Variants in FHIT observed in about 807,000 individuals in gnomAD.
FHIT encodes the protein fragile histidine triad diadenosine triphosphatase, also known as bis(5'-adenosyl)-triphosphatase.
Under a neutral mutation model 17.9 loss-of-function variants are expected in FHIT, and 19 were observed. That is an observed-to-expected ratio of 1.06 (90% CI 0.74 to 1.56). FHIT has a LOEUF of 1.56. Ranked by LOEUF, FHIT falls within the 40% of genes most tolerant of loss-of-function variation. FHIT has a pLI of 0.00. For missense variants in FHIT, 248 were observed against 189.2 expected (o/e 1.31, Z -1.82); for synonymous variants, 81 against 69.7 (o/e 1.16, Z -0.81).
chr3:59,999,421 C>T (rs1206737714), intron 7 of FHIT, among the ~76,000 whole-genome samples: 1 of 152,262 alleles, frequency 6.6e-6, no homozygotes, highest in African/African-American at 2.4e-5. Context: ...GATTCACAGA[C>T]TTTCATTCAA....
At chr3:60,129,675 T>C (rs1274264447) in intron 5 of FHIT, among the ~76,000 whole-genome samples, 2 of 152,194 alleles carry the variant, frequency 1.3e-5, no homozygotes, top group Admixed American at 6.5e-5. Flanking sequence ...GCTTCATTCA[T>C]CCTGCTTTGC....
At chr3:60,779,318 C>T (rs938009076) in intron 4 of FHIT, among the ~76,000 whole-genome samples, 2 of 152,164 alleles carry the variant, frequency 1.3e-5, no homozygotes, top group East Asian at 3.9e-4. Flanking sequence ...TAGACCAACC[C>T]TGCTTGCTCC....
At chr3:60,149,622 AG>A (rs1422587643) in intron 5 of FHIT, among the ~76,000 whole-genome samples, 1 of 152,026 alleles carries the variant, frequency 6.6e-6, no homozygotes, top group Non-Finnish European at 1.5e-5. Context: ...GTTGCCCCAT[AG>A]CCCCTTTCCT....
intron 3 of FHIT, among the ~76,000 whole-genome samples, chr3:61,037,543 T>A (rs1378880545): frequency 6.6e-5 from 10 of 152,200 alleles, no homozygotes; most frequent in African/African-American, 2.2e-4. Flanking sequence ...TTTGAATGTG[T>A]CACCCAAAGT....
At chr3:61,207,501 G>A (rs557127632) in intron 1 of FHIT, among the ~76,000 whole-genome samples, 1 of 152,164 alleles carries the variant, frequency 6.6e-6, no homozygotes, top group African/African-American at 2.4e-5. Flanking sequence ...TTCAGAGCCT[G>A]TTATTGGTCT....
At chr3:60,077,742 G>A (rs1453799273) in intron 5 of FHIT, among the ~76,000 whole-genome samples, 15 of 131,404 alleles carry the variant, frequency 1.1e-4, no homozygotes, top group Non-Finnish European at 1.8e-4. Flanking sequence ...ATATAGAGGG[G>A]GGGGGGAGGA....
rs1553692328 is a variant in FHIT, at chr3:60,129,049, G to GT, written c.104-114898dup. Reference sequence around the variant, plus strand: ...TTTCCCTTTTCTTCTTTCCTTTTTTGTTTGTTTTTTTTTTTTTTTTTGAAA... The same window carrying GT: ...TTTCCCTTTTCTTCTTTCCTTTTTTGTTTTGTTTTTTTTTTTTTTTTTGAAA... On this transcript the variant is annotated intron_variant, in intron 5 of 9. Transcript: ENST00000492590. 1.6e-3 allele frequency among the ~76,000 whole-genome samples: 191 copies of GT among 121,002 alleles called. 7 individuals carry two copies. The highest frequency in any genetic ancestry group is 4.3e-3 in the Middle Eastern group (1 of 230). 79.4% of individuals were successfully genotyped at this position (121,002 alleles called of 152,430 possible).
In FHIT at chr3:60,772,314, C is replaced by CTATATATATATATATA. The variant is rs61056807; in HGVS notation, c.-18+49589_-18+49604dup. Among the ~76,000 whole-genome samples the CTATATATATATATATA allele has an allele frequency of 5.0e-4, 72 of 143,336 alleles. 2 individuals carry two copies. The highest frequency in any genetic ancestry group is 1.6e-3 in the African/African-American group (62 of 38,810). 94.0% of individuals were successfully genotyped at this position (143,336 alleles called of 152,430 possible). A position where few individuals can be genotyped will look rare whatever the true frequency, so the allele number is the denominator to read the frequency against. Reference sequence around the variant, plus strand: ...ATTAAGTAGATTGTTCACTTCTCATCTATATATATATATATATATATATAT... The same window carrying CTATATATATATATATA: ...ATTAAGTAGATTGTTCACTTCTCATCTATATATATATATATATATATATATATATATATATATATAT... On this transcript the variant is annotated intron_variant, in intron 4 of 9. Coordinates refer to ENST00000492590, the MANE Select transcript of FHIT (RefSeq NM_002012.4).
At chr3:59,877,135 A>G (rs1489427513) in intron 8 of FHIT, among the ~76,000 whole-genome samples, 1 of 152,204 alleles carries the variant, frequency 6.6e-6, no homozygotes, top group Non-Finnish European at 1.5e-5. Flanking sequence ...AAGATGTTAT[A>G]TTCTTGAGTA....
chr3:60,014,479 A>T (rs1286243299), intron 5 of FHIT, among the ~76,000 whole-genome samples: 1 of 152,144 alleles, frequency 6.6e-6, no homozygotes, highest in Non-Finnish European at 1.5e-5. Context: ...TTCTCTCTTG[A>T]CCCCTATTCT....
intron 8 of FHIT, among the ~76,000 whole-genome samples, chr3:59,765,009 T>G: frequency 6.6e-6 from 1 of 152,152 alleles, no homozygotes; most frequent in Non-Finnish European, 1.5e-5. Flanking sequence ...CTCACCTTTC[T>G]CAGCTGCCTA....
Position 60,308,826 on chromosome 3 carries a change from G to C in FHIT, c.103+228034C>G, listed in dbSNP as rs571766393. On this transcript the variant is annotated intron_variant, in intron 5 of 9. Coordinates refer to ENST00000492590, the MANE Select transcript of FHIT (RefSeq NM_002012.4). ...TACTATTTAAAACTTTTAATGTGAGGAATGGTTGTTTCTATTTACTCATAT... is the reference window on the plus strand; with the variant it reads ...TACTATTTAAAACTTTTAATGTGAGCAATGGTTGTTTCTATTTACTCATAT... Among the ~76,000 whole-genome samples the C allele has an allele frequency of 2.0e-5, 3 of 152,032 alleles. No individual in the cohort carries two copies. The South Asian group carries it at 6.2e-4, about 32-fold the overall frequency.
At chr3:60,106,022 A>C (rs1268882195) in intron 5 of FHIT, among the ~76,000 whole-genome samples, 1 of 152,166 alleles carries the variant, frequency 6.6e-6, no homozygotes, top group Non-Finnish European at 1.5e-5. Context: ...AGCAGTTCTG[A>C]GTAGTGTGAT....
intron 5 of FHIT, among the ~76,000 whole-genome samples, chr3:60,452,421 G>A (rs1206355280): frequency 1.3e-5 from 2 of 152,168 alleles, no homozygotes; most frequent in Non-Finnish European, 2.9e-5. Flanking sequence ...TTATTGGAAA[G>A]TAAGTGGTAA....
chr3:59,933,084 T>C (rs748591431), intron 7 of FHIT, among the ~76,000 whole-genome samples: 23 of 152,100 alleles, frequency 1.5e-4, no homozygotes, highest in Non-Finnish European at 3.1e-4. Flanking sequence ...AAGTTAACTA[T>C]ATAATCTGGG....
At chr3:61,090,266 G>C (rs1377217116) in intron 2 of FHIT, among the ~76,000 whole-genome samples, 1 of 152,144 alleles carries the variant, frequency 6.6e-6, no homozygotes, top group Non-Finnish European at 1.5e-5. Flanking sequence ...AGAATCATTT[G>C]AATAGGTGAT....
At chr3:60,188,373 C>A (rs531128043) in intron 5 of FHIT, among the ~76,000 whole-genome samples, 107 of 152,152 alleles carry the variant, frequency 7.0e-4, no homozygotes, top group Admixed American at 2.0e-3. Context: ...ATGCTTCTAT[C>A]ACATATTATG....
At chr3:60,269,449 A>C (rs1706755480) in intron 5 of FHIT, among the ~76,000 whole-genome samples, 1 of 152,208 alleles carries the variant, frequency 6.6e-6, no homozygotes, top group South Asian at 2.1e-4. Flanking sequence ...GGTATTTTCC[A>C]GTGAGTTATG....
chr3:60,334,033 C>T lies in FHIT; in HGVS notation c.103+202827G>A, dbSNP rs542510554. On this transcript the variant is annotated intron_variant, in intron 5 of 9. Coordinates refer to ENST00000492590, the MANE Select transcript of FHIT (RefSeq NM_002012.4). Reference sequence around the variant, plus strand: ...GTGAGAGAGATGGGTTTGACACTGACTTCCCATCTCCTCAGTTACAGCATG... The same window carrying T: ...GTGAGAGAGATGGGTTTGACACTGATTTCCCATCTCCTCAGTTACAGCATG... Among the ~76,000 whole-genome samples the T allele has an allele frequency of 2.0e-5, 3 of 152,286 alleles. No homozygotes were observed. The South Asian group carries it at 6.2e-4, about 32-fold the overall frequency.
Sources: gnomAD v4.1 joint callset for allele counts (sites outside exome capture counted in the v4.1 genomes callset) on GRCh38, gnomAD v4.1.1 for gene constraint, MANE v1.5 for transcripts, NCBI Gene and HGNC (gene_info 2026-07-23, HGNC 2026-07-21) for gene names.